The following KIF13A variants were observed in gnomAD, a reference collection of about 807,000 sequenced individuals.
The protein encoded by KIF13A is kinesin-like protein KIF13A.
A neutral mutation model predicts 212.2 loss-of-function variants in KIF13A; 79 were observed. The observed-to-expected ratio is 0.37, with a 90% CI of 0.31 to 0.45. KIF13A has a LOEUF of 0.45. Ranked by LOEUF, KIF13A falls within the 20% of genes least tolerant of loss-of-function variation. The probability of loss-of-function intolerance (pLI) is 1.00; values close to 1 mark genes in which losing one functional copy is unlikely to be tolerated. For synonymous variants in KIF13A, 789 were observed against 808.6 expected, an observed-to-expected ratio of 0.98 and a Z score of 0.41; for missense variants, 1,901 against 2,209.0, an observed-to-expected ratio of 0.86 and a Z score of 2.79.
downstream of KIF13A, among the ~76,000 whole-genome samples, chr6:17,763,120 T>C (rs1258497576): frequency 6.6e-6 from 1 of 152,186 alleles, no homozygotes; most frequent in African/African-American, 2.4e-5. Context: ...AAGCAGAACA[T>C]CTCTTATTTA....
At chr6:17,920,117 A>G (rs1471188135) in intron 2 of KIF13A, among the ~76,000 whole-genome samples, 3 of 152,196 alleles carry the variant, frequency 2.0e-5, no homozygotes, top group Non-Finnish European at 4.4e-5. Flanking sequence ...CCCAGTCTCT[A>G]TTACATGGTC....
In KIF13A at chr6:17,914,407, C is replaced by T. The variant is rs1203226626; in HGVS notation, c.147-16227G>A. Among the ~76,000 whole-genome samples, 2 of 151,940 alleles carry T rather than the reference C, an allele frequency of 1.3e-5. No homozygotes were observed. The highest frequency in any genetic ancestry group is 4.1e-4 in the South Asian group (2 of 4,824). On this transcript the variant is annotated intron_variant, in intron 2 of 38. Transcript: ENST00000259711. The surrounding 1 kb of genome is among the most constrained non-coding windows in gnomAD (Gnocchi z 5.9). ...AATTAAAAAAAATTACAATAAAATA[C>T]AAAACTTGAGATGAATATGAGTACA...
At chr6:17,942,900 G>A (rs777672664) in intron 2 of KIF13A, among the ~76,000 whole-genome samples, 23 of 152,040 alleles carry the variant, frequency 1.5e-4, no homozygotes, top group Non-Finnish European at 2.8e-4. Context: ...AACTGCTTGA[G>A]CCTGGGAGAT....
intron 2 of KIF13A, among the ~76,000 whole-genome samples, chr6:17,938,314 TGAAG>T (rs1776656125): frequency 6.6e-6 from 1 of 151,704 alleles, no homozygotes; most frequent in Non-Finnish European, 1.5e-5. Flanking sequence ...ACCTACCAAA[TGAAG>T]GAAGGAAAAA....
intron 2 of KIF13A, among the ~76,000 whole-genome samples, chr6:17,948,914 A>G (rs574674445): frequency 3.3e-4 from 50 of 152,190 alleles, no homozygotes; most frequent in African/African-American, 1.1e-3. Context: ...CAGGTTATGC[A>G]ATAGCGAGTG....
At chr6:17,953,200 ATTCTG>A (rs1162592589) in intron 2 of KIF13A, among the ~76,000 whole-genome samples, 2 of 152,188 alleles carry the variant, frequency 1.3e-5, no homozygotes, top group Non-Finnish European at 2.9e-5. Context: ...GGAAGGCATT[ATTCTG>A]TTAAGTTAAA....
rs1766190589 is a variant in KIF13A, at chr6:17,838,453, A to G, written c.831-870T>C. On this transcript the variant is annotated intron_variant, in intron 9 of 38. Coordinates refer to ENST00000259711, the MANE Select transcript of KIF13A (RefSeq NM_022113.6). This position sits in a 1 kb window ranked among gnomAD's most constrained non-coding sequence, Gnocchi z 4.2. Reference sequence around the variant, plus strand: ...AAATAAGCTGAAAGGAAAGCAGCCTATTTCCCACAAAACATAATTCCCCAA... The same window carrying G: ...AAATAAGCTGAAAGGAAAGCAGCCTGTTTCCCACAAAACATAATTCCCCAA... 6.6e-6 allele frequency among the ~76,000 whole-genome samples: 1 copy of G among 152,220 alleles called. No homozygotes were observed. Among genetic ancestry groups the G allele is most frequent in the South Asian group, 2.1e-4 (1 of 4,832 alleles).
At chr6:17,817,544 A>G (rs1229821405) in intron 16 of KIF13A, among the ~76,000 whole-genome samples, 1 of 152,246 alleles carries the variant, frequency 6.6e-6, no homozygotes, top group Admixed American at 6.5e-5. Context: ...AGAGAGAGGA[A>G]TGTGATCTTA....
intron 3 of KIF13A, among the ~76,000 whole-genome samples, chr6:17,896,692 C>G (rs1029835975): frequency 2.0e-5 from 3 of 152,186 alleles, no homozygotes; most frequent in African/African-American, 7.2e-5. Context: ...AACCACTAGG[C>G]TATATATACT....
In KIF13A at chr6:17,951,089, A is replaced by T; in HGVS notation, c.146+35965T>A. On this transcript the variant is annotated intron_variant, in intron 2 of 38. Transcript: ENST00000259711. This position sits in a 1 kb window ranked among gnomAD's most constrained non-coding sequence, Gnocchi z 4.9. ...ACCTAAGGAATTGTACTTATTATAT[A>T]TAACACTTTGCCAACCATCCATTTA... The T allele has an allele frequency of 8.9e-7, 1 of 1,118,996 alleles. No individual in the cohort carries two copies. Among genetic ancestry groups the T allele is most frequent in the South Asian group, 4.0e-5 (1 of 24,944 alleles). The allele number at this position is 1,118,996 out of a possible 1,614,324, so 69.3% of individuals were successfully genotyped here. A position where few individuals can be genotyped will look rare whatever the true frequency, so the allele number is the denominator to read the frequency against.
At chr6:17,939,194 A>C (rs1468614897) in intron 2 of KIF13A, among the ~76,000 whole-genome samples, 1 of 152,208 alleles carries the variant, frequency 6.6e-6, no homozygotes, top group Non-Finnish European at 1.5e-5. Context: ...TAACAACACT[A>C]AAACAACAGA....
intron 2 of KIF13A, among the ~76,000 whole-genome samples, chr6:17,962,816 A>C (rs534914537): frequency 6.6e-6 from 1 of 152,132 alleles, no homozygotes; most frequent in Non-Finnish European, 1.5e-5. Context: ...TTTAATTGGA[A>C]TCTTCCTCAT....
rs199734151 is a variant in KIF13A at position 17,805,525 on chromosome 6, A to G, written c.2254T>C (p.Leu752=). The G allele has an allele frequency of 6.2e-7, 1 of 1,613,788 alleles. No homozygotes were observed. Among genetic ancestry groups the G allele is most frequent in the Non-Finnish European group, 8.5e-7 (1 of 1,179,830 alleles). ...TGGTAAAGGTCTCTCATGTCAATTA[A>G]TTTATTCTCCAGCTTCTCAATGGTC... ...VWTIEKLENK[L]IDMRDLYQEW... is the part of the protein sequence containing the mutation. Residue 752 remains leucine (L), a synonymous_variant, in exon 19 of 39, where the codon TTA becomes CTA. Transcript: ENST00000259711.
In KIF13A at chr6:17,828,349, C is replaced by G. The variant is rs1765153217; in HGVS notation, c.1423G>C (p.Asp475His). Reference sequence around the variant, plus strand: ...AAAAGCTGGATATCTTGAGAGGTATCTGCACCCACCCTGGTGTGATCCTAG... The same window carrying G: ...AAAAGCTGGATATCTTGAGAGGTATGTGCACCCACCCTGGTGTGATCCTAG... Reference protein sequence around the residue: ...YLKDHTRVGADTSQDIQLFGI... With the variant: ...YLKDHTRVGAHTSQDIQLFGI... Residue 475 changes from aspartate to histidine, a missense_variant, in exon 14 of 39, where the codon GAT becomes CAT. Around this residue, in one of 5 missense-constraint regions of KIF13A, gnomAD observed 506 missense variants for 637.4 expected, o/e 0.79. Coordinates refer to ENST00000259711, the MANE Select transcript of KIF13A (RefSeq NM_022113.6). The surrounding 1 kb of genome is among the most constrained non-coding windows in gnomAD (Gnocchi z 4.3). 1.2e-6 allele frequency: 2 copies of G among 1,611,744 alleles called. No homozygotes were observed. Among genetic ancestry groups the G allele is most frequent in the Non-Finnish European group, 1.7e-6 (2 of 1,178,986 alleles).
Position 17,783,802 on chromosome 6 carries a change from G to A in KIF13A, c.3489-101C>T. The A allele has an allele frequency of 1.3e-6, 1 of 765,684 alleles. No individual in the cohort carries two copies. Among genetic ancestry groups the A allele is most frequent in the South Asian group, 1.5e-5 (1 of 67,122 alleles). 47.4% of individuals were successfully genotyped at this position (765,684 alleles called of 1,614,324 possible). On this transcript the variant is annotated intron_variant, in intron 28 of 38. Coordinates refer to ENST00000259711, the MANE Select transcript of KIF13A (RefSeq NM_022113.6). This position sits in a 1 kb window ranked among gnomAD's most constrained non-coding sequence, Gnocchi z 4.3. ...CTGTGGAAGCAAAGAGAACCATGGT[G>A]GAGATGCAGTTTCCACTAATGAAAT...
Position 17,982,629 on chromosome 6 carries a change from T to C in KIF13A, c.146+4425A>G, listed in dbSNP as rs900211601. ...CATATTTAGCCCAACATTTTATTTT[T>C]ACACAGTAGGTTAGATATGCACTTT... On this transcript the variant is annotated intron_variant, in intron 2 of 38. Coordinates refer to ENST00000259711, the MANE Select transcript of KIF13A (RefSeq NM_022113.6). This position sits in a 1 kb window ranked among gnomAD's most constrained non-coding sequence, Gnocchi z 5.1. 6.6e-6 allele frequency among the ~76,000 whole-genome samples: 1 copy of C among 152,186 alleles called. No individual in the cohort carries two copies. The highest frequency in any genetic ancestry group is 1.5e-5 in the Non-Finnish European group (1 of 68,026).
intron 2 of KIF13A, among the ~76,000 whole-genome samples, chr6:17,959,883 T>C (rs1360645399): frequency 6.6e-6 from 1 of 152,030 alleles, no homozygotes; most frequent in Non-Finnish European, 1.5e-5. Context: ...ATTAGCCTGG[T>C]GTGGTGGCGC....
At chr6:17,923,274 C>CTAAATAAA (rs34093488) in intron 2 of KIF13A, among the ~76,000 whole-genome samples, 96 of 145,516 alleles carry the variant, frequency 6.6e-4, no homozygotes, top group African/African-American at 1.8e-3. Context: ...AACACTGTCC[C>CTAAATAAA]TAAATAAATA....
rs1759282574 is a variant in KIF13A, at chr6:17,769,199, A to G, written c.4581+1915T>C. Among the ~76,000 whole-genome samples the G allele has an allele frequency of 6.6e-6, 1 of 152,218 alleles. No individual in the cohort carries two copies. The highest frequency in any genetic ancestry group is 1.5e-5 in the Non-Finnish European group (1 of 68,038). On this transcript the variant is annotated intron_variant, in intron 38 of 38. Transcript: ENST00000259711. The surrounding 1 kb of genome is among the most constrained non-coding windows in gnomAD (Gnocchi z 5.8). Reference sequence around the variant, plus strand: ...ATTTATAAGAGAAAAAACAAAATTAAAGTTTCCCAAAGAGAAACAAGAACC... The same window carrying G: ...ATTTATAAGAGAAAAAACAAAATTAGAGTTTCCCAAAGAGAAACAAGAACC...
Sources: gnomAD v4.1 joint callset for allele counts (sites outside exome capture counted in the v4.1 genomes callset) on GRCh38, gnomAD v4.1.1 for gene constraint, gnomAD v4.1.1 regional missense constraint, Gnocchi (gnomAD v3.1) non-coding constraint, MANE v1.5 for transcripts, NCBI Gene and HGNC (gene_info 2026-07-23, HGNC 2026-07-21) for gene names.